The following PHC2 variants were observed in gnomAD, a reference collection of about 807,000 sequenced individuals.
PHC2 encodes polyhomeotic-like protein 2.
A neutral mutation model predicts 87.4 loss-of-function variants in PHC2; 29 were observed. The ratio of observed to expected loss-of-function variants is 0.33; its 90% CI spans 0.25 to 0.45. The LOEUF (loss-of-function observed/expected upper bound fraction) is 0.45, where lower values mean the gene tolerates loss of function less well. Ranked by LOEUF, PHC2 falls within the 20% of genes least tolerant of loss-of-function variation. The pLI, the probability that PHC2 is intolerant of heterozygous loss-of-function variation, is 1.00. For missense variants in PHC2, 857 were observed against 1,136.7 expected, an observed-to-expected ratio of 0.75 and a Z score of 3.54; for synonymous variants, 438 against 461.7, an observed-to-expected ratio of 0.95 and a Z score of 0.66.
chr1:33,378,806 C>T (rs371009435), intron 1 of PHC2, among the ~76,000 whole-genome samples: 1 of 152,068 alleles, frequency 6.6e-6, no homozygotes, highest in Non-Finnish European at 1.5e-5. Flanking sequence ...TTCCTTCCTA[C>T]ATGGAAAAAT....
rs750830352 is a variant in PHC2, at chr1:33,331,329, G to T, written c.2006+19C>A. The stretch of plus-strand genomic sequence containing the variant: ...TAAAGTGCAGTCCTGGGGAAATGGA[G>T]GGGGCTGGGGCCACTCACCTCTTTG... On this transcript the variant is annotated intron_variant, in intron 12 of 14. Transcript: ENST00000683057. The surrounding 1 kb of genome is among the most constrained non-coding windows in gnomAD (Gnocchi z 5.2). The T allele has an allele frequency of 5.1e-6, 7 of 1,362,610 alleles. No individual in the cohort carries two copies. In the African/African-American group the frequency reaches 1.0e-4, roughly 19 times the overall value. The allele number at this position is 1,362,610 out of a possible 1,614,324, so 84.4% of individuals were successfully genotyped here.
rs189793043 is a variant in PHC2, at chr1:33,354,690, T to C, written c.1393-124A>G. On this transcript the variant is annotated intron_variant, in intron 8 of 14. Coordinates refer to ENST00000683057, the MANE Select transcript of PHC2 (RefSeq NM_001385109.1). ...ACCTTAAGATTCAGTCATCCTCAAA[T>C]TGGGGAAGGCCCTCTCTTCCTTCTT... 7.0e-5 allele frequency: 91 copies of C among 1,308,046 alleles called. No homozygotes were observed. The South Asian group carries it at 7.7e-4, about 11-fold the overall frequency. 81.0% of individuals were successfully genotyped at this position (1,308,046 alleles called of 1,614,324 possible). A position where few individuals can be genotyped will look rare whatever the true frequency, so the allele number is the denominator to read the frequency against.
At position 33,364,102 on chromosome 1, in the gene PHC2, G is replaced by C. The variant is rs2148310998; in HGVS notation, c.976+3014C>G. 6.6e-6 allele frequency among the ~76,000 whole-genome samples: 1 copy of C among 152,218 alleles called. No individual in the cohort carries two copies. The highest frequency in any genetic ancestry group is 2.4e-5 in the African/African-American group (1 of 41,554). On this transcript the variant is annotated intron_variant, in intron 7 of 14. Coordinates refer to ENST00000683057, the MANE Select transcript of PHC2 (RefSeq NM_001385109.1). The surrounding 1 kb of genome is among the most constrained non-coding windows in gnomAD (Gnocchi z 4.1). ...AGGTGACAGGAGCAGGAACAGCAGGGAGCTTGCCATGGGGGAGGGGCTTTG... is the reference window on the plus strand; with the variant it reads ...AGGTGACAGGAGCAGGAACAGCAGGCAGCTTGCCATGGGGGAGGGGCTTTG...
intron 1 of PHC2, among the ~76,000 whole-genome samples, chr1:33,381,127 A>G (rs1295076341): frequency 6.6e-6 from 1 of 152,082 alleles, no homozygotes; most frequent in Non-Finnish European, 1.5e-5. Flanking sequence ...CTTCCTTCAA[A>G]TTAGGTTCCA....
At chr1:33,372,187 A>C in intron 3 of PHC2, 102 bp downstream of exon 3, 28 of 1,181,014 alleles carry the variant, frequency 2.4e-5, no homozygotes, top group Middle Eastern at 2.8e-4. Flanking sequence ...GTTGCAGGTA[A>C]GAGAAGGATG....
Position 33,334,322 on chromosome 1 carries a change from A to C in PHC2, c.1559-30T>G. ...ACGAGAGAGAGTAGGAAAACAAAGCAGGGGAGATCAGAACCAGAGTCCACG... is the reference window on the plus strand; with the variant it reads ...ACGAGAGAGAGTAGGAAAACAAAGCCGGGGAGATCAGAACCAGAGTCCACG... On this transcript the variant is annotated intron_variant, in intron 9 of 14. Coordinates refer to ENST00000683057, the MANE Select transcript of PHC2 (RefSeq NM_001385109.1). The surrounding 1 kb of genome is among the most constrained non-coding windows in gnomAD (Gnocchi z 5.5). 1.3e-6 allele frequency: 2 copies of C among 1,598,698 alleles called. No individual in the cohort carries two copies. Among genetic ancestry groups the C allele is most frequent in the Non-Finnish European group, 8.6e-7 (1 of 1,167,612 alleles).
rs2148324680 is a variant in PHC2, at chr1:33,370,447, C to G, written c.550G>C (p.Ala184Pro). The change falls in exon 5 of 15, where the codon GCA becomes CCA. Residue 184 changes from alanine to proline, a missense_variant. Around this residue, in one of 3 missense-constraint regions of PHC2, gnomAD observed 832 missense variants for 1,081.8 expected, o/e 0.77. Coordinates refer to ENST00000683057, the MANE Select transcript of PHC2 (RefSeq NM_001385109.1). ...TSSPALTASQ[A>P]QMYLRAQMLI... ...ATCTGTGCCCTCAGATACATCTGTGCTTGGCTTGCAGTCAGGGCTGGGGAA... is the reference window on the plus strand; with the variant it reads ...ATCTGTGCCCTCAGATACATCTGTGGTTGGCTTGCAGTCAGGGCTGGGGAA... 1.2e-6 allele frequency: 2 copies of G among 1,614,086 alleles called. No homozygotes were observed. Among genetic ancestry groups the G allele is most frequent in the East Asian group, 4.5e-5 (2 of 44,860 alleles).
At chr1:33,333,998 A>G (rs891342909) in intron 10 of PHC2, 92 bp downstream of exon 10, 5 of 1,163,146 alleles carry the variant, frequency 4.3e-6, no homozygotes, top group Admixed American at 5.0e-5. Context: ...AATTGTTCAC[A>G]TTTTCAGAAA....
At chr1:33,420,248 A>G (rs1328040528) in intron 1 of PHC2, among the ~76,000 whole-genome samples, 1 of 152,236 alleles carries the variant, frequency 6.6e-6, no homozygotes, top group African/African-American at 2.4e-5. Context: ...TAAGCATTGT[A>G]TCTACAATGA....
rs1434624758 is a variant in PHC2, at chr1:33,371,148, C to T, written c.334-54G>A. 6 of 1,444,686 alleles carry T rather than the reference C, an allele frequency of 4.2e-6. No individual in the cohort carries two copies. In the Admixed American group the frequency reaches 1.0e-4, roughly 24 times the overall value. The allele number at this position is 1,444,686 out of a possible 1,614,324, so 89.5% of individuals were successfully genotyped here. A position where few individuals can be genotyped will look rare whatever the true frequency, so the allele number is the denominator to read the frequency against. On this transcript the variant is annotated intron_variant, in intron 3 of 14. Coordinates refer to ENST00000683057, the MANE Select transcript of PHC2 (RefSeq NM_001385109.1). ...AGTCCCAGACCTCCCCCAGTCACTCCTGGGCTCTCATCATCCACAGGAGGT... is the reference window on the plus strand; with the variant it reads ...AGTCCCAGACCTCCCCCAGTCACTCTTGGGCTCTCATCATCCACAGGAGGT...
intron 1 of PHC2, among the ~76,000 whole-genome samples, chr1:33,408,523 C>T (rs1002726196): frequency 6.6e-6 from 1 of 152,202 alleles, no homozygotes; most frequent in South Asian, 2.1e-4. Flanking sequence ...TGCAGTGGGA[C>T]GATCTCGGCT....
At chr1:33,421,491 G>T (rs887744150) in intron 1 of PHC2, among the ~76,000 whole-genome samples, 6 of 152,232 alleles carry the variant, frequency 3.9e-5, no homozygotes, top group Non-Finnish European at 5.9e-5. Flanking sequence ...AAATATGAAG[G>T]CTGAAAGGAA....
At chr1:33,392,983 A>G (rs1318837933) in intron 1 of PHC2, among the ~76,000 whole-genome samples, 1 of 152,174 alleles carries the variant, frequency 6.6e-6, no homozygotes, top group African/African-American at 2.4e-5. Flanking sequence ...CCAACCCAAA[A>G]GGGGACTATT....
At chr1:33,393,465 T>G (rs1649161436) in intron 1 of PHC2, among the ~76,000 whole-genome samples, 1 of 148,664 alleles carries the variant, frequency 6.7e-6, no homozygotes, top group Non-Finnish European at 1.5e-5. Context: ...TTCAAGAGGT[T>G]TTTTTTTTTT....
chr1:33,381,168 G>T (rs972381646), intron 1 of PHC2, among the ~76,000 whole-genome samples: 3 of 152,062 alleles, frequency 2.0e-5, no homozygotes, highest in African/African-American at 7.2e-5. Context: ...CAGCTTAAAG[G>T]CTGCTCCCAG....
intron 14 of PHC2, among the ~76,000 whole-genome samples, chr1:33,326,740 G>A (rs1646379745): frequency 6.6e-6 from 1 of 152,178 alleles, no homozygotes; most frequent in Non-Finnish European, 1.5e-5. Flanking sequence ...GATCGCCTGA[G>A]GTAAGGAGTT....
In PHC2 at chr1:33,325,016, C is replaced by G. The variant is rs1434979259; in HGVS notation, c.2429G>C (p.Cys810Ser). Residue 810 changes from cysteine to serine, a missense_variant, in exon 15 of 15, where the codon TGC becomes TCC. Transcript: ENST00000683057. ...VYEFIRSLPG[C>S]QEIAEEFRAQ... ...ACGGAATTCCTCTGCTATCTCCTGG[C>G]AGCCTGAGGGGGTACCACCAAAGAC... 6.2e-7 allele frequency: 1 copy of G among 1,610,126 alleles called. No homozygotes were observed. The highest frequency in any genetic ancestry group is 8.5e-7 in the Non-Finnish European group (1 of 1,177,416).
rs1431269463 is a variant in PHC2, at chr1:33,407,986, G to A, written c.-55+22990C>T. 2.0e-5 allele frequency among the ~76,000 whole-genome samples: 3 copies of A among 152,154 alleles called. 1 individual carries two copies. Among genetic ancestry groups the A allele is most frequent in the African/African-American group, 7.2e-5 (3 of 41,434 alleles). ...CTAGAGCACAAACAAGGTGTGAGGG[G>A]GGAGAAAGAGGCTTTGAATGGTGAG... On this transcript the variant is annotated intron_variant, in intron 1 of 14. Transcript: ENST00000683057.
intron 1 of PHC2, among the ~76,000 whole-genome samples, chr1:33,386,465 G>A (rs2148354372): frequency 6.6e-6 from 1 of 152,060 alleles, no homozygotes; most frequent in Admixed American, 6.5e-5. Flanking sequence ...GTTGCAGTGA[G>A]CCGAGACCAT....
Sources: gnomAD v4.1 joint callset for allele counts (sites outside exome capture counted in the v4.1 genomes callset) on GRCh38, gnomAD v4.1.1 for gene constraint, gnomAD v4.1.1 regional missense constraint, Gnocchi (gnomAD v3.1) non-coding constraint, MANE v1.5 for transcripts, NCBI Gene and HGNC (gene_info 2026-07-23, HGNC 2026-07-21) for gene names.